CNNM2: variants seen among roughly 807,000 people sequenced by gnomAD.
The protein encoded by CNNM2 is cyclin and CBS domain divalent metal cation transport mediator 2, also known as metal transporter CNNM2.
Under a neutral mutation model 66.9 loss-of-function variants are expected in CNNM2, and 12 were observed. That is an observed-to-expected ratio of 0.18 (90% CI 0.11 to 0.29). The LOEUF is 0.29. CNNM2 is among the 10% of genes least tolerant of loss of function. The pLI, the probability that CNNM2 is intolerant of heterozygous loss-of-function variation, is 1.00. For synonymous variants in CNNM2, 557 were observed against 501.8 expected (o/e 1.11, Z -1.47); for missense variants, 705 against 1,167.7 (o/e 0.60, Z 5.77).
intron 1 of CNNM2, among the ~76,000 whole-genome samples, chr10:102,954,126 C>CTTTTTT (rs35543663): frequency 4.5e-5 from 6 of 133,076 alleles, no homozygotes; most frequent in African/African-American, 1.7e-4. Flanking sequence ...CTTTTCTTTT[C>CTTTTTT]TTTTTTTTTT....
At position 103,084,280 on chromosome 10, in the gene CNNM2, T is replaced by TA. The variant is rs1490253968; in HGVS notation, c.*7101dup. On this transcript the variant is annotated 3_prime_UTR_variant, in exon 8 of 8. Transcript: ENST00000369878. ...ACCGTGGCATTTGCAGTCTTTTACT[T>TA]ACACTTGTTCTGTGGATGGAGACAT... The TA allele has an allele frequency of 6.6e-6, 1 of 152,226 alleles. No homozygotes were observed. The highest frequency in any genetic ancestry group is 1.5e-5 in the Non-Finnish European group (1 of 68,042). The allele number at this position is 152,226 out of a possible 1,614,324, so 9.4% of individuals were successfully genotyped here.
At chr10:102,954,559 T>C (rs1846965046) in intron 1 of CNNM2, among the ~76,000 whole-genome samples, 4 of 152,194 alleles carry the variant, frequency 2.6e-5, no homozygotes, top group Admixed American at 2.0e-4. Context: ...TGAGCCACTG[T>C]ATGCAGTGCA....
chr10:103,033,066 CA>C (rs1271347286), intron 1 of CNNM2, among the ~76,000 whole-genome samples: 2 of 147,890 alleles, frequency 1.4e-5, no homozygotes, highest in Non-Finnish European at 3.0e-5. Flanking sequence ...TGTAGTGAGC[CA>C]TGATCATGCC....
intron 1 of CNNM2, among the ~76,000 whole-genome samples, chr10:103,010,824 C>A (rs1439208149): frequency 1.3e-5 from 2 of 151,888 alleles, no homozygotes; most frequent in African/African-American, 4.8e-5. Context: ...TGTTGGCCAG[C>A]CTGGTCTTGA....
intron 1 of CNNM2, among the ~76,000 whole-genome samples, chr10:102,978,928 C>T (rs1315444562): frequency 6.6e-6 from 1 of 152,162 alleles, no homozygotes; most frequent in Non-Finnish European, 1.5e-5. Context: ...TGTGAATCAT[C>T]CATGATGTTT....
intron 1 of CNNM2, among the ~76,000 whole-genome samples, chr10:102,999,955 G>A (rs1376237146): frequency 6.6e-6 from 1 of 152,222 alleles, no homozygotes; most frequent in Non-Finnish European, 1.5e-5. Flanking sequence ...AAATGGAATA[G>A]CTGGGCATGG....
rs2065821572 is a variant in CNNM2 at position 103,086,923 on chromosome 10, G to C, written c.*9743G>C. The C allele has an allele frequency of 6.6e-6, 1 of 152,100 alleles. No homozygotes were observed. Among genetic ancestry groups the C allele is most frequent in the Non-Finnish European group, 1.5e-5 (1 of 68,020 alleles). 9.4% of individuals were successfully genotyped at this position (152,100 alleles called of 1,614,324 possible). A position where few individuals can be genotyped will look rare whatever the true frequency, so the allele number is the denominator to read the frequency against. ...TGTACTGGGCAATTCCTCTGCCCAA[G>C]GAAACCCAGCAGGGCCTGGGTCTGC... On this transcript the variant is annotated 3_prime_UTR_variant, in exon 8 of 8. Transcript: ENST00000369878.
chr10:103,034,616 G>A (rs1279220254), intron 1 of CNNM2, among the ~76,000 whole-genome samples: 1 of 152,096 alleles, frequency 6.6e-6, no homozygotes, highest in Non-Finnish European at 1.5e-5. Flanking sequence ...CAGTAAGTTT[G>A]GACTGTAAAA....
chr10:103,029,504 G>A (rs1176575783), intron 1 of CNNM2, among the ~76,000 whole-genome samples: 1 of 151,266 alleles, frequency 6.6e-6, no homozygotes, highest in Non-Finnish European at 1.5e-5. Context: ...ACCAGACACT[G>A]TGCTAGTTTC....
intron 1 of CNNM2, among the ~76,000 whole-genome samples, chr10:102,950,867 A>G (rs1282153173): frequency 1.3e-5 from 2 of 152,146 alleles, no homozygotes; most frequent in Non-Finnish European, 2.9e-5. Context: ...AATTTGTTTT[A>G]CAGAAGCTAC....
At chr10:102,988,606 C>T (rs1410415667) in intron 1 of CNNM2, among the ~76,000 whole-genome samples, 1 of 152,138 alleles carries the variant, frequency 6.6e-6, no homozygotes, top group African/African-American at 2.4e-5. Flanking sequence ...TCTCGTTCTG[C>T]AGCTGCCCTA....
intron 1 of CNNM2, among the ~76,000 whole-genome samples, chr10:102,932,868 G>A (rs1846112516): frequency 6.9e-6 from 1 of 145,052 alleles, no homozygotes; most frequent in Non-Finnish European, 1.5e-5. Flanking sequence ...AATGAGCTGA[G>A]ATTGCACCAC....
In CNNM2 at chr10:103,015,447, T is replaced by C. The variant is rs548634447; in HGVS notation, c.1622-34260T>C. On this transcript the variant is annotated intron_variant, in intron 1 of 7. Coordinates refer to ENST00000369878, the MANE Select transcript of CNNM2 (RefSeq NM_017649.5). ...TAGAACTGTGTCTAATAAATACTCATGTAATAATTTGGATTGATTTATAAC... is the reference window on the plus strand; with the variant it reads ...TAGAACTGTGTCTAATAAATACTCACGTAATAATTTGGATTGATTTATAAC... Among the ~76,000 whole-genome samples the C allele has an allele frequency of 2.5e-3, 365 of 148,702 alleles. 2 individuals carry two copies. The highest frequency in any genetic ancestry group is 8.5e-3 in the African/African-American group (342 of 40,468).
chr10:103,025,126 C>G (rs1040658314), intron 1 of CNNM2, among the ~76,000 whole-genome samples: 2 of 152,208 alleles, frequency 1.3e-5, no homozygotes, highest in Non-Finnish European at 2.9e-5. Context: ...GCGTCTCGCC[C>G]TGTCACCCAG....
At chr10:102,970,359 A>G (rs974016936) in intron 1 of CNNM2, among the ~76,000 whole-genome samples, 3 of 152,358 alleles carry the variant, frequency 2.0e-5, no homozygotes, top group Admixed American at 6.5e-5. Context: ...TTCAAATTTC[A>G]GTGTCATAAA....
chr10:102,982,383 C>A (rs1456608998), intron 1 of CNNM2, among the ~76,000 whole-genome samples: 1 of 152,182 alleles, frequency 6.6e-6, no homozygotes, highest in East Asian at 1.9e-4. Flanking sequence ...AAATATTTGT[C>A]AGACAAATGA....
intron 1 of CNNM2, among the ~76,000 whole-genome samples, chr10:102,983,420 G>A (rs1436553327): frequency 6.8e-6 from 1 of 146,386 alleles, no homozygotes; most frequent in Non-Finnish European, 1.5e-5. Context: ...CCAGCACTTT[G>A]GGAGGCCAAG....
intron 1 of CNNM2, among the ~76,000 whole-genome samples, chr10:103,034,039 G>T (rs1429465564): frequency 6.6e-6 from 1 of 151,556 alleles, no homozygotes; most frequent in Non-Finnish European, 1.5e-5. Flanking sequence ...TTTATCATAT[G>T]CACAAAATTT....
chr10:102,938,026 C>T (rs1441042705), intron 1 of CNNM2, among the ~76,000 whole-genome samples: 1 of 151,804 alleles, frequency 6.6e-6, no homozygotes, highest in Non-Finnish European at 1.5e-5. Context: ...GTGTGGGGCG[C>T]AGTGACTCAC....
Sources: gnomAD v4.1 joint callset for allele counts (sites outside exome capture counted in the v4.1 genomes callset) on GRCh38, gnomAD v4.1.1 for gene constraint, MANE v1.5 for transcripts, NCBI Gene and HGNC (gene_info 2026-07-23, HGNC 2026-07-21) for gene names.